The following CD300LF variants were observed in gnomAD, a reference collection of about 807,000 sequenced individuals.
CD300LF encodes the protein CD300 molecule like family member f.
Under a neutral mutation model 32.2 loss-of-function variants are expected in CD300LF, and 27 were observed. The observed-to-expected ratio is 0.84, with a 90% CI of 0.62 to 1.15. CD300LF has a LOEUF of 1.15. Among genes scored for constraint, CD300LF ranks in the 50% most tolerant of loss-of-function variants. CD300LF has a pLI of 0.00. For missense variants in CD300LF, 348 were observed against 356.8 expected (o/e 0.98, Z 0.20); for synonymous variants, 139 against 143.2 (o/e 0.97, Z 0.21).
At chr17:74,703,175 C>G in intron 2 of CD300LF, 77 bp from the exon 3 acceptor site, 1 of 1,580,584 alleles carries the variant, frequency 6.3e-7, no homozygotes. Flanking sequence ...TAAACCAGAT[C>G]ACAGATGCCC....
intron 3 of CD300LF, among the ~76,000 whole-genome samples, chr17:74,700,218 G>GT (rs1290794183): frequency 6.6e-6 from 1 of 151,766 alleles, no homozygotes; most frequent in African/African-American, 2.4e-5. Flanking sequence ...AATAAATCCC[G>GT]TAACAGCCCC....
chr17:74,704,749 G>A lies in CD300LF; in HGVS notation c.111C>T (p.Thr37=), dbSNP rs61754887. ...TVNGLERGSL[T]VQCVYRSGWE... The stretch of plus-strand genomic sequence containing the variant: ...AGCCTGATCTGTAAACACACTGCAC[G>A]GTCAAGGAGCCCCGCTCCAAGCCAT... Residue 37 remains threonine (T), a synonymous_variant, in exon 2 of 7, where the codon ACC becomes ACT. Transcript: ENST00000326165. 1.0e-4 allele frequency: 165 copies of A among 1,614,112 alleles called. No individual in the cohort carries two copies. Among genetic ancestry groups the A allele is most frequent in the Non-Finnish European group, 1.3e-4 (152 of 1,180,020 alleles).
chr17:74,704,803 G>A lies in CD300LF; in HGVS notation c.57C>T (p.Val19=). The stretch of plus-strand genomic sequence containing the variant: ...CTGTTGTTGGACCGGTGATTTGAGT[G>A]ACAATGGAGTAGCCTGGAAAACACA... The part of the protein sequence containing the change: ...LLFWLSGYSI[V]TQITGPTTVN... Residue 19 remains valine, a synonymous_variant, in exon 2 of 7, where the codon GTC becomes GTT. Transcript: ENST00000326165. 6.2e-7 allele frequency: 1 copy of A among 1,612,692 alleles called. No homozygotes were observed. Among genetic ancestry groups the A allele is most frequent in the Non-Finnish European group, 8.5e-7 (1 of 1,178,858 alleles).
In CD300LF at chr17:74,712,892, C is replaced by T. The variant is rs1380217254; in HGVS notation, c.-26G>A. ...CTTCTCTTCAGACAGGTCCCCGTTC[C>T]CCTCAGTGGAGCCTGGCAGCAGGAA... On this transcript the variant is annotated 5_prime_UTR_variant, in exon 1 of 7. Coordinates refer to ENST00000326165, the MANE Select transcript of CD300LF (RefSeq NM_139018.5). 4 of 1,613,106 alleles carry T rather than the reference C, an allele frequency of 2.5e-6. No homozygotes were observed. Among genetic ancestry groups the T allele is most frequent in the South Asian group, 2.2e-5 (2 of 91,002 alleles).
chr17:74,709,567 C>CT (rs552007025), intron 1 of CD300LF, among the ~76,000 whole-genome samples: 47 of 149,558 alleles, frequency 3.1e-4, no homozygotes, highest in African/African-American at 8.1e-4. Context: ...CCAAATTATT[C>CT]TTTTTTTTTT....
Position 74,703,056 on chromosome 17 carries a change from G to T in CD300LF, c.425C>A (p.Thr142Asn). The T allele has an allele frequency of 1.2e-6, 2 of 1,614,004 alleles. No individual in the cohort carries two copies. Residue 142 changes from threonine to asparagine, a missense_variant, in exon 3 of 7, where the codon ACC becomes AAC. Physicochemically the swap from Thr to Asn is moderately conservative, Grantham distance 65. Transcript: ENST00000326165. ...QEETSSSPTL[T>N]GHHLDNRHKL... ...TTACCTGTTGTCCAAGTGGTGGCCG[G>T]TCAGAGTTGGGGAGCTGCTAGTTTC...
intron 3 of CD300LF, chr17:74,698,734 T>A: frequency 2.4e-6 from 2 of 830,422 alleles, no homozygotes; most frequent in African/African-American, 1.7e-5. Context: ...AAGCAAAGAA[T>A]CAAAAAACTA....
intron 6 of CD300LF, 66 bp downstream of exon 6, chr17:74,695,659 C>A (rs539285223): frequency 3.1e-6 from 5 of 1,608,076 alleles, no homozygotes; most frequent in Middle Eastern, 1.7e-4. Flanking sequence ...CACCCTCCAA[C>A]GGGGTGCAAC....
intron 6 of CD300LF, 65 bp downstream of exon 6, chr17:74,695,660 G>C (rs372574297): frequency 6.2e-7 from 1 of 1,608,844 alleles, no homozygotes; most frequent in Admixed American, 1.7e-5. Context: ...ACCCTCCAAC[G>C]GGGTGCAACG....
In CD300LF at chr17:74,695,004, G is replaced by A. The variant is rs2032288350; in HGVS notation, c.*92C>T. ...ATCAGGCAGAGGCACCAGTCCCCGG[G>A]TTGGTCCTGATGAGGGGAGCAGGGG... On this transcript the variant is annotated 3_prime_UTR_variant, in exon 7 of 7. Transcript: ENST00000326165. 2 of 1,384,834 alleles carry A rather than the reference G, an allele frequency of 1.4e-6. No individual in the cohort carries two copies. Among genetic ancestry groups the A allele is most frequent in the African/African-American group, 1.4e-5 (1 of 69,004 alleles). 85.8% of individuals were successfully genotyped at this position (1,384,834 alleles called of 1,614,324 possible).
chr17:74,704,572 C>T lies in CD300LF; in HGVS notation c.288G>A (p.Glu96=), dbSNP rs957693851. ...TGTCAGCATCAGTTTTCATGAGATC[C>T]TCCATGGTCACAGTGAACGTGCGGT... ...QKNRTFTVTM[E]DLMKTDADTY... Residue 96 remains glutamate (E), a synonymous_variant, in exon 2 of 7, where the codon GAG becomes GAA. Transcript: ENST00000326165. 1 of 1,614,180 alleles carries T rather than the reference C, an allele frequency of 6.2e-7. No individual in the cohort carries two copies. The highest frequency in any genetic ancestry group is 8.5e-7 in the Non-Finnish European group (1 of 1,180,024).
intron 1 of CD300LF, among the ~76,000 whole-genome samples, chr17:74,708,271 C>T (rs189688080): frequency 3.7e-4 from 57 of 152,006 alleles, no homozygotes; most frequent in Non-Finnish European, 3.4e-4. Context: ...TAAATCAAAT[C>T]CCTTGTTTAA....
In CD300LF at chr17:74,696,177, C is replaced by T. The variant is rs759857167; in HGVS notation, c.582+18G>A. 2 of 1,599,428 alleles carry T rather than the reference C, an allele frequency of 1.3e-6. No homozygotes were observed. On this transcript the variant is annotated intron_variant, in intron 5 of 6. Transcript: ENST00000326165. The stretch of plus-strand genomic sequence containing the variant: ...AAGCTGCCTGGTCTCTCTGGTCCGA[C>T]CTTGGGGGCTATCTTACCTGCTCTG...
chr17:74,698,270 C>T (rs1050521840), intron 4 of CD300LF, 99 bp downstream of exon 4: 3 of 885,068 alleles, frequency 3.4e-6, no homozygotes, highest in Non-Finnish European at 3.6e-6. Flanking sequence ...GTGCCATTTC[C>T]TGATTGTGTG....
chr17:74,694,988 AG>A lies in CD300LF; in HGVS notation c.*107del. ...GGGGCAATGCTGGCTGATCAGGCAG[AG>A]GCACCAGTCCCCGGGTTGGTCCTGA... On this transcript the variant is annotated 3_prime_UTR_variant, in exon 7 of 7. Transcript: ENST00000326165. 1 of 1,232,476 alleles carries A rather than the reference AG, an allele frequency of 8.1e-7. No homozygotes were observed. Among genetic ancestry groups the A allele is most frequent in the Non-Finnish European group, 1.1e-6 (1 of 883,170 alleles). 76.3% of individuals were successfully genotyped at this position (1,232,476 alleles called of 1,614,324 possible). A position where few individuals can be genotyped will look rare whatever the true frequency, so the allele number is the denominator to read the frequency against.
chr17:74,706,280 A>T (rs34074270), intron 1 of CD300LF, among the ~76,000 whole-genome samples: 3,594 of 148,744 alleles, frequency 0.024, 77 homozygotes, highest in Admixed American at 0.066. Context: ...AAGGAAAAAA[A>T]AAATATATAT....
chr17:74,711,446 C>T (rs923271081), intron 1 of CD300LF, among the ~76,000 whole-genome samples: 3 of 152,240 alleles, frequency 2.0e-5, no homozygotes, highest in Non-Finnish European at 4.4e-5. Context: ...TCTCCACTTA[C>T]ATGCTGAAAC....
chr17:74,695,860 C>T lies in CD300LF; in HGVS notation c.583-1G>A, dbSNP rs1444666213. On this transcript the variant is annotated splice_acceptor_variant, in intron 5 of 6. Coordinates refer to ENST00000326165, the MANE Select transcript of CD300LF (RefSeq NM_139018.5). LOFTEE classifies it high-confidence loss of function. ...GGTCGCCCTCCAGGGGCTGCAGTACCTGGGACAGGGAACACAGGCTGGGGA... is the reference window on the plus strand; with the variant it reads ...GGTCGCCCTCCAGGGGCTGCAGTACTTGGGACAGGGAACACAGGCTGGGGA... 1 of 1,613,014 alleles carries T rather than the reference C, an allele frequency of 6.2e-7. No individual in the cohort carries two copies. The highest frequency in any genetic ancestry group is 1.7e-5 in the Admixed American group (1 of 59,930).
intron 3 of CD300LF, among the ~76,000 whole-genome samples, chr17:74,699,740 G>A (rs577200489): frequency 4.6e-5 from 7 of 152,226 alleles, no homozygotes; most frequent in African/African-American, 1.7e-4. Context: ...TGAGCCACTC[G>A]TAACGGCGGC....
Sources: gnomAD v4.1 joint callset for allele counts (sites outside exome capture counted in the v4.1 genomes callset) on GRCh38, gnomAD v4.1.1 for gene constraint, MANE v1.5 for transcripts, NCBI Gene and HGNC (gene_info 2026-07-23, HGNC 2026-07-21) for gene names.